The following MDN1 variants were observed in gnomAD, a reference collection of about 807,000 sequenced individuals.
The protein encoded by MDN1 is midasin.
Under a neutral mutation model 669.2 loss-of-function variants are expected in MDN1, and 266 were observed. The ratio of observed to expected loss-of-function variants is 0.40; its 90% CI spans 0.36 to 0.44. The LOEUF is 0.44. Among genes scored for constraint, MDN1 ranks in the 20% least tolerant of loss-of-function variants. The pLI, the probability that MDN1 is intolerant of heterozygous loss-of-function variation, is 1.00. For synonymous variants in MDN1, 2,385 were observed against 2,457.1 expected (o/e 0.97, Z 0.87); for missense variants, 5,940 against 6,754.0 (o/e 0.88, Z 4.22).
At position 89,656,819 on chromosome 6, in the gene MDN1, C is replaced by T. The variant is rs1271613893; in HGVS notation, c.15184-18G>A. On this transcript the variant is annotated intron_variant, in intron 90 of 101. Transcript: ENST00000369393. Reference sequence around the variant, plus strand: ...CCGTGTTCCTAGGAAATCCAAGCCACAAAAGAATGAGGTGAAAGAAGCTAT... The same window carrying T: ...CCGTGTTCCTAGGAAATCCAAGCCATAAAAGAATGAGGTGAAAGAAGCTAT... 1.2e-6 allele frequency: 2 copies of T among 1,603,038 alleles called. No individual in the cohort carries two copies. The highest frequency in any genetic ancestry group is 1.1e-5 in the South Asian group (1 of 90,288).
At position 89,659,642 on chromosome 6, in the gene MDN1, C is replaced by A. The variant is rs548728248; in HGVS notation, c.14714-725G>T. 1.3e-3 allele frequency among the ~76,000 whole-genome samples: 202 copies of A among 152,084 alleles called. 1 individual carries two copies. Among genetic ancestry groups the A allele is most frequent in the African/African-American group, 2.0e-3 (83 of 41,484 alleles). On this transcript the variant is annotated intron_variant, in intron 88 of 101. Transcript: ENST00000369393. ...ATAATAGCTAATCCACCCAAAAAAA[C>A]CCCCATAAACAAACAAACAAACAAA... is the stretch of plus-strand genomic sequence containing the variant.
At chr6:89,795,856 G>C (rs113073902) in intron 2 of MDN1, among the ~76,000 whole-genome samples, 1 of 152,028 alleles carries the variant, frequency 6.6e-6, no homozygotes, top group Non-Finnish European at 1.5e-5. Context: ...TCGGGACGTC[G>C]AGGCGGGAGA....
Position 89,658,840 on chromosome 6 carries a change from C to T in MDN1, c.14791G>A (p.Asp4931Asn), listed in dbSNP as rs535630056. ...EAEERGETET[D>N]QNESQSPQEP... Reference sequence around the variant, plus strand: ...TGTGGACTCTGACTTTCGTTCTGGTCGGTCTCGGTCTCTCCTCTTTCCTCA... The same window carrying T: ...TGTGGACTCTGACTTTCGTTCTGGTTGGTCTCGGTCTCTCCTCTTTCCTCA... The change falls in exon 89 of 102, where the codon GAC becomes AAC. Residue 4931 changes from aspartate (D) to asparagine (N), a missense_variant. Around this residue, in one of 5 missense-constraint regions of MDN1, gnomAD observed 2,280 missense variants for 2,576.3 expected, o/e 0.88. Coordinates refer to ENST00000369393, the MANE Select transcript of MDN1 (RefSeq NM_014611.3). The T allele has an allele frequency of 1.3e-5, 21 of 1,614,164 alleles. No individual in the cohort carries two copies. Among genetic ancestry groups the T allele is most frequent in the Middle Eastern group, 1.6e-4 (1 of 6,062 alleles).
intron 66 of MDN1, 66 bp downstream of exon 66, chr6:89,688,507 T>C (rs1562091903): frequency 2.8e-6 from 4 of 1,442,884 alleles, no homozygotes; most frequent in Non-Finnish European, 3.8e-6. Context: ...CCAGGGATAA[T>C]GGTGAGGCTG....
At chr6:89,743,338 A>C in intron 30 of MDN1, 58 bp from the exon 31 acceptor site, 1 of 1,598,326 alleles carries the variant, frequency 6.3e-7, no homozygotes, top group Non-Finnish European at 8.6e-7. Context: ...GACAATATAC[A>C]TGCAGCTGGC....
intron 66 of MDN1, 102 bp downstream of exon 66, chr6:89,688,471 A>T: frequency 1.0e-6 from 1 of 1,000,438 alleles, no homozygotes; most frequent in Non-Finnish European, 1.5e-6. Flanking sequence ...CTTTGTTTAT[A>T]TGTATATATG....
At chr6:89,756,426 G>A in intron 19 of MDN1, 36 bp from the exon 20 acceptor site, 1 of 1,018,950 alleles carries the variant, frequency 9.8e-7, no homozygotes, top group South Asian at 1.5e-5. Context: ...TTTTTAGGAA[G>A]TTAATATAAC....
At chr6:89,723,667 C>T (rs932879192) in intron 38 of MDN1, 48 bp from the exon 39 acceptor site, 1 of 1,123,872 alleles carries the variant, frequency 8.9e-7, no homozygotes, top group Admixed American at 2.6e-5. Context: ...TTCTCTTTAC[C>T]AAACACTAGA....
At position 89,725,329 on chromosome 6, in the gene MDN1, T is replaced by C. The variant is rs371592907; in HGVS notation, c.5540A>G (p.Tyr1847Cys). 1.7e-5 allele frequency: 27 copies of C among 1,613,884 alleles called. No homozygotes were observed. The highest frequency in any genetic ancestry group is 1.6e-4 in the Middle Eastern group (1 of 6,084). The change falls in exon 38 of 102, where the codon TAT becomes TGT. Residue 1847 changes from tyrosine to cysteine, a missense_variant. Tyr to Cys is a radical substitution (Grantham distance 194). Coordinates refer to ENST00000369393, the MANE Select transcript of MDN1 (RefSeq NM_014611.3). Reference sequence around the variant, plus strand: ...AAAGCTCATTCCTAACTCAGGCACATAGATTTCTCCTCGGTGGTCAAAACA... The same window carrying C: ...AAAGCTCATTCCTAACTCAGGCACACAGATTTCTCCTCGGTGGTCAAAACA... ...NACFDHRGEI[Y>C]VPELGMSFQV...
intron 40 of MDN1, among the ~76,000 whole-genome samples, chr6:89,722,676 C>T (rs747789757): frequency 5.3e-5 from 8 of 151,876 alleles, no homozygotes; most frequent in African/African-American, 7.2e-5. Flanking sequence ...GGTGAAACCC[C>T]GTTTCTACTA....
In MDN1 at chr6:89,712,026, T is replaced by C; in HGVS notation, c.7651+10A>G. 6.2e-7 allele frequency: 1 copy of C among 1,607,382 alleles called. No homozygotes were observed. The highest frequency in any genetic ancestry group is 8.5e-7 in the Non-Finnish European group (1 of 1,174,986). On this transcript the variant is annotated intron_variant, in intron 49 of 101. Transcript: ENST00000369393. ...TCACATCAGTGGACAAATTAAGCTGTTCTACTCACCAAGCCCCTGCGGTAT... is the reference window on the plus strand; with the variant it reads ...TCACATCAGTGGACAAATTAAGCTGCTCTACTCACCAAGCCCCTGCGGTAT...
At chr6:89,750,216 T>G in intron 24 of MDN1, 138 bp downstream of exon 24, 1 of 830,892 alleles carries the variant, frequency 1.2e-6, no homozygotes. Flanking sequence ...TTAACTATCT[T>G]AGCTCAGGCA....
At chr6:89,667,052 A>G (rs1810304369) in intron 84 of MDN1, among the ~76,000 whole-genome samples, 1 of 152,246 alleles carries the variant, frequency 6.6e-6, no homozygotes, top group South Asian at 2.1e-4. Flanking sequence ...ATAAGAAAAC[A>G]TGGAATTTGG....
At chr6:89,786,507 T>C (rs887655545) in intron 8 of MDN1, among the ~76,000 whole-genome samples, 1 of 152,056 alleles carries the variant, frequency 6.6e-6, no homozygotes, top group African/African-American at 2.4e-5. Context: ...CTCAAGAGGC[T>C]GAGGCAGGAG....
Position 89,819,486 on chromosome 6 carries a change from C to T in MDN1, c.102+20G>A, listed in dbSNP as rs762591751. 4 of 1,601,094 alleles carry T rather than the reference C, an allele frequency of 2.5e-6. No individual in the cohort carries two copies. The highest frequency in any genetic ancestry group is 2.2e-5 in the South Asian group (2 of 90,976). On this transcript the variant is annotated intron_variant, in intron 1 of 101. Transcript: ENST00000369393. ...GCGACCCAGTCGTTCCGGCGCTTTC[C>T]CTCTCCCTTCACGTCTTACCTGCTT...
chr6:89,756,981 T>C (rs1265585937), intron 19 of MDN1, among the ~76,000 whole-genome samples: 1 of 151,826 alleles, frequency 6.6e-6, no homozygotes, highest in Non-Finnish European at 1.5e-5. Context: ...GTGTTTTTTA[T>C]CATAATCGCC....
intron 5 of MDN1, among the ~76,000 whole-genome samples, chr6:89,793,038 A>G (rs1819363873): frequency 6.6e-6 from 1 of 152,176 alleles, no homozygotes; most frequent in Non-Finnish European, 1.5e-5. Context: ...GAAGACTGCT[A>G]TGGAAAAAGA....
intron 19 of MDN1, among the ~76,000 whole-genome samples, chr6:89,757,483 C>T (rs1023098238): frequency 6.6e-6 from 1 of 152,164 alleles, no homozygotes; most frequent in Non-Finnish European, 1.5e-5. Context: ...GAAAAATTCT[C>T]CAGTGTTCTG....
At position 89,654,799 on chromosome 6, in the gene MDN1, T is replaced by C. The variant is rs903017236; in HGVS notation, c.15491-465A>G. 1.1e-4 allele frequency among the ~76,000 whole-genome samples: 16 copies of C among 152,194 alleles called. 1 individual carries two copies. Among genetic ancestry groups the C allele is most frequent in the Non-Finnish European group, 2.4e-4 (16 of 68,032 alleles). On this transcript the variant is annotated intron_variant, in intron 92 of 101. Transcript: ENST00000369393. The stretch of plus-strand genomic sequence containing the variant: ...AGATAAGCTAATTATCTTGACTTGA[T>C]CATTAAACATTGTATACATGTATCA...
Sources: gnomAD v4.1 joint callset for allele counts (sites outside exome capture counted in the v4.1 genomes callset) on GRCh38, gnomAD v4.1.1 for gene constraint, gnomAD v4.1.1 regional missense constraint, MANE v1.5 for transcripts, NCBI Gene and HGNC (gene_info 2026-07-23, HGNC 2026-07-21) for gene names.